HGSNAT: variants seen among roughly 807,000 people sequenced by gnomAD.
HGSNAT encodes heparan-alpha-glucosaminide N-acetyltransferase, also known as transmembrane protein 76.
A neutral mutation model predicts 85.2 loss-of-function variants in HGSNAT; 59 were observed. The observed-to-expected ratio is 0.69, with a 90% CI of 0.56 to 0.86. The LOEUF is 0.86. Ranked by LOEUF, HGSNAT falls within the 40% of genes least tolerant of loss-of-function variation. The probability of loss-of-function intolerance (pLI) is 0.00; values close to 1 mark genes in which losing one functional copy is unlikely to be tolerated. For synonymous variants in HGSNAT, 321 were observed against 304.5 expected, an observed-to-expected ratio of 1.05 and a Z score of -0.56; for missense variants, 756 against 777.1, an observed-to-expected ratio of 0.97 and a Z score of 0.32.
intron 11 of HGSNAT, among the ~76,000 whole-genome samples, chr8:43,187,780 C>G (rs1433740538): frequency 6.6e-6 from 1 of 152,174 alleles, no homozygotes. Context: ...GTGTCTGGTA[C>G]CGGTTGTTCC....
rs376647117 is a variant in HGSNAT, at chr8:43,192,412, C to T, written c.1359C>T (p.Tyr453=). 19 of 1,612,576 alleles carry T rather than the reference C, an allele frequency of 1.2e-5. No individual in the cohort carries two copies. Among genetic ancestry groups the T allele is most frequent in the Non-Finnish European group, 1.6e-5 (19 of 1,179,194 alleles). Residue 453 remains tyrosine, a synonymous_variant, in exon 13 of 18, where the codon TAC becomes TAT. Coordinates refer to ENST00000379644, the MANE Select transcript of HGSNAT (RefSeq NM_152419.3). ...TGCTGCTGGGAGACGATCACCTTTACCAGCACCCATCTTCTGCTGTGAGTG... is the reference window on the plus strand; with the variant it reads ...TGCTGCTGGGAGACGATCACCTTTATCAGCACCCATCTTCTGCTGTGAGTG... ...DRLLLGDDHL[Y]QHPSSAVLYH...
chr8:43,158,847 C>T (rs1803177894), intron 3 of HGSNAT, 76 bp from the exon 4 acceptor site: 1 of 1,526,894 alleles, frequency 6.5e-7, no homozygotes, highest in Non-Finnish European at 8.9e-7. Flanking sequence ...ATTATTCTGC[C>T]TCCATGATAT....
At chr8:43,141,548 G>T (rs1326380818) in intron 1 of HGSNAT, among the ~76,000 whole-genome samples, 1 of 152,132 alleles carries the variant, frequency 6.6e-6, no homozygotes, top group Non-Finnish European at 1.5e-5. Flanking sequence ...GGTCGGGCAA[G>T]CATCGCAAAC....
At chr8:43,187,409 T>C (rs964103082) in intron 11 of HGSNAT, among the ~76,000 whole-genome samples, 5 of 152,216 alleles carry the variant, frequency 3.3e-5, no homozygotes, top group Admixed American at 6.5e-5. Flanking sequence ...GCCTTCTTTG[T>C]CTCTTTTGAT....
chr8:43,159,120 A>G, intron 4 of HGSNAT, 76 bp downstream of exon 4: 1 of 1,488,224 alleles, frequency 6.7e-7, no homozygotes, highest in East Asian at 2.3e-5. Context: ...TTTGTAAAGC[A>G]AAGCAGTCCA....
chr8:43,161,325 A>G (rs1028995569), intron 4 of HGSNAT, 113 bp from the exon 5 acceptor site: 3 of 773,612 alleles, frequency 3.9e-6, no homozygotes, highest in Non-Finnish European at 6.5e-6. Flanking sequence ...TCAGCATGAG[A>G]ATATAGGCTT....
chr8:43,191,181 C>T (rs1423221958), intron 11 of HGSNAT, among the ~76,000 whole-genome samples: 1 of 152,112 alleles, frequency 6.6e-6, no homozygotes, highest in Non-Finnish European at 1.5e-5. Context: ...CCCTTTTTTG[C>T]TGTTGTGAAC....
Position 43,178,244 on chromosome 8 carries a change from T to A in HGSNAT, c.1012+10T>A, listed in dbSNP as rs372410947. The A allele has an allele frequency of 3.8e-5, 57 of 1,508,334 alleles. No individual in the cohort carries two copies. Among genetic ancestry groups the A allele is most frequent in the Non-Finnish European group, 4.7e-5 (53 of 1,130,162 alleles). The allele number at this position is 1,508,334 out of a possible 1,614,324, so 93.4% of individuals were successfully genotyped here. A position where few individuals can be genotyped will look rare whatever the true frequency, so the allele number is the denominator to read the frequency against. ...TATTGCCTTGGTCCATGTAAGTACT[T>A]TTTCCCTCTGTTATATATATTCAGG... is the stretch of plus-strand genomic sequence containing the variant. On this transcript the variant is annotated intron_variant, in intron 10 of 17. Transcript: ENST00000379644.
chr8:43,199,363 T>C (rs1349559075), intron 17 of HGSNAT, 25 bp from the exon 18 acceptor site: 1 of 1,497,366 alleles, frequency 6.7e-7, no homozygotes, highest in South Asian at 1.2e-5. Context: ...AGAAACATGA[T>C]CTTCTGTATG....
intron 2 of HGSNAT, among the ~76,000 whole-genome samples, chr8:43,155,412 C>A (rs540159317): frequency 2.0e-4 from 31 of 151,998 alleles, no homozygotes; most frequent in African/African-American, 7.2e-4. Context: ...TTGTATATGT[C>A]TTTTGAGAAA....
intron 2 of HGSNAT, among the ~76,000 whole-genome samples, chr8:43,158,295 T>C (rs950352796): frequency 5.9e-5 from 9 of 152,212 alleles, no homozygotes; most frequent in Non-Finnish European, 1.3e-4. Flanking sequence ...AGACAGGGTT[T>C]CACCATGTTG....
At chr8:43,164,927 G>C (rs1563364664) in intron 5 of HGSNAT, among the ~76,000 whole-genome samples, 1 of 152,042 alleles carries the variant, frequency 6.6e-6, no homozygotes, top group Non-Finnish European at 1.5e-5. Flanking sequence ...GAGGGAGATG[G>C]AGGAACAGTC....
rs1161218227 is a variant in HGSNAT, at chr8:43,194,150, C to T, written c.1464+307C>T. 4 of 1,066,470 alleles carry T rather than the reference C, an allele frequency of 3.8e-6. No homozygotes were observed. In the East Asian group the frequency reaches 2.5e-4, roughly 66 times the overall value. The allele number at this position is 1,066,470 out of a possible 1,614,324, so 66.1% of individuals were successfully genotyped here. ...CAGTGGCTCATGCCTATAACGCCAA[C>T]ATTTTGGGAAGCCAAGGCAGGAGGA... On this transcript the variant is annotated intron_variant, in intron 14 of 17. Transcript: ENST00000379644.
rs1803478706 is a variant in HGSNAT at position 43,167,798 on chromosome 8, A to C, written c.564-1375A>C. ...ATTTGTTTATGCCAGGGTAGGGTAT[A>C]CTTTTCAAAAGATTTCTTCCCAGGT... On this transcript the variant is annotated intron_variant, in intron 5 of 17. Transcript: ENST00000379644. The C allele has an allele frequency of 1.6e-5, 3 of 193,300 alleles. No homozygotes were observed. The South Asian group carries it at 1.9e-4, about 12-fold the overall frequency. 12.0% of individuals were successfully genotyped at this position (193,300 alleles called of 1,614,324 possible).
chr8:43,188,873 A>C (rs994867170), intron 11 of HGSNAT, among the ~76,000 whole-genome samples: 3 of 152,194 alleles, frequency 2.0e-5, no homozygotes, highest in Admixed American at 6.5e-5. Context: ...TCTAACAGTC[A>C]GGACCCTCAG....
chr8:43,165,623 A>C (rs988022593), intron 5 of HGSNAT, among the ~76,000 whole-genome samples: 1 of 152,210 alleles, frequency 6.6e-6, no homozygotes, highest in African/African-American at 2.4e-5. Context: ...GTTCTACTCC[A>C]GGGAAGACAC....
At chr8:43,150,867 A>G (rs545335880) in intron 2 of HGSNAT, among the ~76,000 whole-genome samples, 3 of 144,560 alleles carry the variant, frequency 2.1e-5, no homozygotes, top group African/African-American at 7.6e-5. Context: ...ATAAATAAAT[A>G]AAATAAAATT....
At chr8:43,148,450 T>C (rs1464904778) in intron 2 of HGSNAT, among the ~76,000 whole-genome samples, 1 of 151,728 alleles carries the variant, frequency 6.6e-6, no homozygotes, top group East Asian at 1.9e-4. Flanking sequence ...ATAAAACAAG[T>C]AGGATCATTG....
At chr8:43,163,743 C>G (rs1803343232) in intron 5 of HGSNAT, among the ~76,000 whole-genome samples, 1 of 152,042 alleles carries the variant, frequency 6.6e-6, no homozygotes, top group Non-Finnish European at 1.5e-5. Context: ...GTCTTGAACT[C>G]CTGACCTCGT....
Sources: allele counts gnomAD v4.1 joint callset (sites outside exome capture counted in the v4.1 genomes callset), GRCh38; gene constraint gnomAD v4.1.1; transcripts MANE v1.5; gene names NCBI Gene and HGNC (gene_info 2026-07-23, HGNC 2026-07-21).